Variants in ITSN1 observed in about 807,000 individuals in gnomAD.
ITSN1 encodes intersectin 1, also known as intersectin-1.
Under a neutral mutation model 239.8 loss-of-function variants are expected in ITSN1, and 58 were observed. The ratio of observed to expected loss-of-function variants is 0.24; its 90% CI spans 0.20 to 0.30. ITSN1 has a LOEUF of 0.30. Ranked by LOEUF, ITSN1 falls within the 10% of genes least tolerant of loss-of-function variation. ITSN1 has a pLI of 1.00. For missense variants in ITSN1, 1,558 were observed against 2,103.3 expected (o/e 0.74, Z 5.07); for synonymous variants, 780 against 770.8 (o/e 1.01, Z -0.20).
rs560396963 is a variant in ITSN1 at position 33,730,259 on chromosome 21, C to T, written c.186-4785C>T. On this transcript the variant is annotated intron_variant, in intron 4 of 39. Transcript: ENST00000381318. ...CTGTTTCCACCCATTGTATTAGTTT[C>T]CTGTTATCCTTCATTTATTTTTGTT... is the stretch of plus-strand genomic sequence containing the variant. 1.2e-4 allele frequency among the ~76,000 whole-genome samples: 18 copies of T among 151,938 alleles called. No homozygotes were observed. In the South Asian group the frequency reaches 3.7e-3, roughly 32 times the overall value.
intron 1 of ITSN1, among the ~76,000 whole-genome samples, chr21:33,650,521 C>T (rs1339684076): frequency 6.6e-6 from 1 of 152,146 alleles, no homozygotes; most frequent in Non-Finnish European, 1.5e-5. Context: ...TATATCATTC[C>T]AGTGTGTTAT....
chr21:33,682,575 G>A (rs191452324), intron 1 of ITSN1, among the ~76,000 whole-genome samples: 111 of 152,156 alleles, frequency 7.3e-4, no homozygotes, highest in African/African-American at 2.2e-3. Context: ...GCCCAGGCTG[G>A]AAGAATACAG....
intron 29 of ITSN1, among the ~76,000 whole-genome samples, chr21:33,845,465 T>C (rs372823592): frequency 6.6e-6 from 1 of 152,134 alleles, no homozygotes; most frequent in South Asian, 2.1e-4. Context: ...TCACTTCTTA[T>C]GCTTAAAATC....
At chr21:33,697,234 A>ATT (rs11419453) in intron 1 of ITSN1, among the ~76,000 whole-genome samples, 41,486 of 121,652 alleles carry the variant, frequency 0.34, 7,700 homozygotes, top group East Asian at 0.57. Context: ...CACCTGGCTA[A>ATT]TTTTTTTTTT....
At chr21:33,696,858 C>A (rs2091816804) in intron 1 of ITSN1, among the ~76,000 whole-genome samples, 1 of 152,150 alleles carries the variant, frequency 6.6e-6, no homozygotes, top group South Asian at 2.1e-4. Context: ...GCTGATAATA[C>A]CAGGCTTGGT....
In ITSN1 at chr21:33,782,031, A is replaced by G; in HGVS notation, c.1722A>G (p.Ala574=). The G allele has an allele frequency of 6.2e-7, 1 of 1,613,502 alleles. No homozygotes were observed. The highest frequency in any genetic ancestry group is 8.5e-7 in the Non-Finnish European group (1 of 1,179,846). The change falls in exon 16 of 40, where the codon GCA becomes GCG. Residue 574 remains alanine (A), a synonymous_variant. Coordinates refer to ENST00000381318, the MANE Select transcript of ITSN1 (RefSeq NM_003024.3). Reference sequence around the variant, plus strand: ...TTACACTTAAAAGAGCCTTAGAAGCAAAAGAACTAGCTCGGCAGCACCTAC... The same window carrying G: ...TTACACTTAAAAGAGCCTTAGAAGCGAAAGAACTAGCTCGGCAGCACCTAC... The part of the protein sequence containing the change: ...SLVTLKRALE[A]KELARQHLRD...
At chr21:33,785,338 T>C (rs1192461939) in intron 16 of ITSN1, among the ~76,000 whole-genome samples, 1 of 152,212 alleles carries the variant, frequency 6.6e-6, no homozygotes, top group African/African-American at 2.4e-5. Context: ...GTCCAGTTTC[T>C]TAGGTATAAA....
intron 5 of ITSN1, 74 bp from the exon 6 acceptor site, chr21:33,750,069 G>A (rs748573666): frequency 1.1e-5 from 15 of 1,357,434 alleles, no homozygotes; most frequent in Non-Finnish European, 1.6e-5. Context: ...TCTTTAAGCA[G>A]TACTGGGTTA....
In ITSN1 at chr21:33,897,846, C is replaced by T. The variant is rs1009755932; in HGVS notation, c.*9546C>T. 3.3e-5 allele frequency: 5 copies of T among 152,036 alleles called. No individual in the cohort carries two copies. The highest frequency in any genetic ancestry group is 5.9e-5 in the Non-Finnish European group (4 of 68,006). The allele number at this position is 152,036 out of a possible 1,614,324, so 9.4% of individuals were successfully genotyped here. A position where few individuals can be genotyped will look rare whatever the true frequency, so the allele number is the denominator to read the frequency against. The stretch of plus-strand genomic sequence containing the variant: ...TTAATGAGATTACTTGGGTTCAACT[C>T]AACTAAATTTCTTATATTAAAAAAA... On this transcript the variant is annotated 3_prime_UTR_variant, in exon 40 of 40. Transcript: ENST00000381318.
At chr21:33,746,416 C>T (rs939917806) in intron 5 of ITSN1, among the ~76,000 whole-genome samples, 2 of 152,164 alleles carry the variant, frequency 1.3e-5, no homozygotes, top group East Asian at 1.9e-4. Flanking sequence ...GCAGCAATTA[C>T]GTTCAAAGAA....
intron 5 of ITSN1, among the ~76,000 whole-genome samples, chr21:33,735,941 AGCCAAAATTGT>A (rs2066473800): frequency 6.6e-6 from 1 of 152,220 alleles, no homozygotes; most frequent in African/African-American, 2.4e-5. Flanking sequence ...GGCTGCAGTG[AGCCAAAATTGT>A]GCCACTGTAC....
rs753780511 is a variant in ITSN1, at chr21:33,819,222, T to C, written c.2934-19T>C. 1 of 1,577,082 alleles carries C rather than the reference T, an allele frequency of 6.3e-7. No individual in the cohort carries two copies. Among genetic ancestry groups the C allele is most frequent in the Non-Finnish European group, 8.7e-7 (1 of 1,149,246 alleles). Reference sequence around the variant, plus strand: ...TTTGAAGATAAAAATTAAAATACTCTCTTCTTCCATTATTGCAGCATGGAT... The same window carrying C: ...TTTGAAGATAAAAATTAAAATACTCCCTTCTTCCATTATTGCAGCATGGAT... On this transcript the variant is annotated intron_variant, in intron 23 of 39. Transcript: ENST00000381318.
At chr21:33,800,236 T>C (rs1292727239) in intron 19 of ITSN1, among the ~76,000 whole-genome samples, 2 of 151,974 alleles carry the variant, frequency 1.3e-5, no homozygotes, top group East Asian at 1.9e-4. Context: ...TGAGTATACA[T>C]ATATATGTAA....
At chr21:33,646,879 C>T (rs1009851682) in intron 1 of ITSN1, among the ~76,000 whole-genome samples, 3 of 151,850 alleles carry the variant, frequency 2.0e-5, no homozygotes, top group Non-Finnish European at 2.9e-5. Flanking sequence ...CCAGCTACTT[C>T]GGAGGCTGAG....
intron 7 of ITSN1, 101 bp downstream of exon 7, chr21:33,752,007 A>G (rs1215107243): frequency 2.5e-6 from 2 of 815,782 alleles, no homozygotes; most frequent in Non-Finnish European, 4.0e-6. Flanking sequence ...TGTTGTTGTC[A>G]TCTTTTTTGT....
intron 33 of ITSN1, among the ~76,000 whole-genome samples, chr21:33,868,217 C>T (rs1194571011): frequency 1.3e-5 from 2 of 152,238 alleles, no homozygotes; most frequent in Non-Finnish European, 2.9e-5. Flanking sequence ...TAAAGATTCT[C>T]CACGTCCCCA....
At position 33,810,963 on chromosome 21, in the gene ITSN1, C is replaced by T; in HGVS notation, c.2320-12C>T. 1 of 1,614,134 alleles carries T rather than the reference C, an allele frequency of 6.2e-7. No homozygotes were observed. The highest frequency in any genetic ancestry group is 8.5e-7 in the Non-Finnish European group (1 of 1,180,016). ...AATTTAGTTCTACTTAAAGCTGTGA[C>T]TTTTTCCACAGGTGGATGAAAGCCA... On this transcript the variant is annotated splice_polypyrimidine_tract_variant and intron_variant, in intron 20 of 39. Coordinates refer to ENST00000381318, the MANE Select transcript of ITSN1 (RefSeq NM_003024.3).
intron 1 of ITSN1, among the ~76,000 whole-genome samples, chr21:33,663,717 C>T (rs538802902): frequency 5.6e-4 from 86 of 152,328 alleles, no homozygotes; most frequent in African/African-American, 2.0e-3. Context: ...ATTCTCCTGC[C>T]TCAGCCTCCC....
intron 24 of ITSN1, 47 bp from the exon 25 acceptor site, chr21:33,823,440 T>C: frequency 6.4e-7 from 1 of 1,557,256 alleles, no homozygotes; most frequent in East Asian, 2.2e-5. Flanking sequence ...CTGGGATTTC[T>C]TTAAACAATC....
Sources: gnomAD v4.1 joint callset for allele counts (sites outside exome capture counted in the v4.1 genomes callset) on GRCh38, gnomAD v4.1.1 for gene constraint, MANE v1.5 for transcripts, NCBI Gene and HGNC (gene_info 2026-07-23, HGNC 2026-07-21) for gene names.